The following NSD3 variants were observed in gnomAD, a reference collection of about 807,000 sequenced individuals.
NSD3 encodes the protein histone-lysine N-methyltransferase NSD3.
NSD3 carries 24 observed loss-of-function variants against 160.8 expected under a neutral mutation model. The observed-to-expected ratio is 0.15, with a 90% CI of 0.11 to 0.21. NSD3 has a LOEUF of 0.21. NSD3 is among the 10% of genes least tolerant of loss of function. NSD3 has a pLI of 1.00. For synonymous variants in NSD3, 520 were observed against 600.0 expected, an observed-to-expected ratio of 0.87 and a Z score of 1.95; for missense variants, 1,157 against 1,735.9, an observed-to-expected ratio of 0.67 and a Z score of 5.93.
intron 1 of NSD3, among the ~76,000 whole-genome samples, chr8:38,366,795 A>G (rs953269670): frequency 6.6e-6 from 1 of 152,202 alleles, no homozygotes. Context: ...AAACAAGTTA[A>G]AATTAAATTA....
intron 4 of NSD3, chr8:38,336,163 TAAAGTA>T (rs1372865317): frequency 1.3e-5 from 2 of 152,242 alleles, no homozygotes; most frequent in Admixed American, 6.5e-5. Flanking sequence ...ACAGATGGTT[TAAAGTA>T]AAAGAAAAAG....
chr8:38,317,690 G>C lies in NSD3; in HGVS notation c.1855+1205C>G. On this transcript the variant is annotated intron_variant, in intron 9 of 23. Transcript: ENST00000317025. The surrounding 1 kb of genome is among the most constrained non-coding windows in gnomAD (Gnocchi z 5.3). Reference sequence around the variant, plus strand: ...ACCAAAAACAGTCCATGTTGAAATTGATCAGTGTAAGTTAAATGGTGGTTT... The same window carrying C: ...ACCAAAAACAGTCCATGTTGAAATTCATCAGTGTAAGTTAAATGGTGGTTT... 1 of 1,269,214 alleles carries C rather than the reference G, an allele frequency of 7.9e-7. No individual in the cohort carries two copies. Among genetic ancestry groups the C allele is most frequent in the Non-Finnish European group, 1.0e-6 (1 of 1,003,976 alleles). 78.6% of individuals were successfully genotyped at this position (1,269,214 alleles called of 1,614,324 possible).
intron 16 of NSD3, among the ~76,000 whole-genome samples, chr8:38,291,430 A>G (rs1808995025): frequency 6.6e-6 from 1 of 152,216 alleles, no homozygotes; most frequent in South Asian, 2.1e-4. Context: ...GTAAATATAC[A>G]TAGACTTAAA....
In NSD3 at chr8:38,318,125, G is replaced by GT; in HGVS notation, c.1855+769dup. ...TTTTCTTGGAGCTCCGCCAAGCAGT[G>GT]TTCCCTCCGAGAGGCTGTTCAGTTC... On this transcript the variant is annotated intron_variant, in intron 9 of 23. Transcript: ENST00000317025. This position sits in a 1 kb window ranked among gnomAD's most constrained non-coding sequence, Gnocchi z 5.3. 1 of 1,513,956 alleles carries GT rather than the reference G, an allele frequency of 6.6e-7. No homozygotes were observed. Among genetic ancestry groups the GT allele is most frequent in the Non-Finnish European group, 9.0e-7 (1 of 1,109,614 alleles). 93.8% of individuals were successfully genotyped at this position (1,513,956 alleles called of 1,614,324 possible).
chr8:38,366,913 C>T (rs1811119538), intron 1 of NSD3, among the ~76,000 whole-genome samples: 1 of 152,128 alleles, frequency 6.6e-6, no homozygotes, highest in Non-Finnish European at 1.5e-5. Context: ...ATATTTCTGT[C>T]ATCATAGAAA....
intron 19 of NSD3, among the ~76,000 whole-genome samples, chr8:38,287,082 C>A (rs550062647): frequency 5.6e-4 from 85 of 152,156 alleles, no homozygotes; most frequent in Non-Finnish European, 8.7e-4. Flanking sequence ...ATAATACCTG[C>A]CACATAGGAA....
rs529778160 is a variant in NSD3, at chr8:38,351,186, C to A, written c.-44-2971G>T. 5.5e-5 allele frequency among the ~76,000 whole-genome samples: 8 copies of A among 144,254 alleles called. No individual in the cohort carries two copies. The East Asian group carries it at 1.8e-3, about 32-fold the overall frequency. 94.6% of individuals were successfully genotyped at this position (144,254 alleles called of 152,430 possible). ...TAGAGACGGGGTTTCACCGTGTTAG[C>A]CAGGATGGTCTCGATCTCCTGACCT... is the stretch of plus-strand genomic sequence containing the variant. On this transcript the variant is annotated intron_variant, in intron 1 of 23. Coordinates refer to ENST00000317025, the MANE Select transcript of NSD3 (RefSeq NM_023034.2).
intron 1 of NSD3, among the ~76,000 whole-genome samples, chr8:38,374,273 G>A (rs962995111): frequency 1.3e-5 from 2 of 151,898 alleles, no homozygotes; most frequent in African/African-American, 4.8e-5. Context: ...GCAAGACCCT[G>A]TCTCTAAAAA....
At chr8:38,305,505 A>T (rs991806483) in intron 12 of NSD3, 60 bp from the exon 13 acceptor site, 37 of 1,550,974 alleles carry the variant, frequency 2.4e-5, no homozygotes, top group Non-Finnish European at 3.2e-5. Context: ...TTCAAGTAGA[A>T]GCAGCTACAG....
chr8:38,372,848 C>G (rs540679809), intron 1 of NSD3, among the ~76,000 whole-genome samples: 1 of 148,474 alleles, frequency 6.7e-6, no homozygotes, highest in Non-Finnish European at 1.5e-5. Flanking sequence ...CCGGGCGCGG[C>G]GGTTCACGCC....
In NSD3 at chr8:38,316,591, A is replaced by G; in HGVS notation, c.1856-549T>C. 1 of 1,051,838 alleles carries G rather than the reference A, an allele frequency of 9.5e-7. No homozygotes were observed. The highest frequency in any genetic ancestry group is 1.1e-6 in the Non-Finnish European group (1 of 870,808). The allele number at this position is 1,051,838 out of a possible 1,614,324, so 65.2% of individuals were successfully genotyped here. On this transcript the variant is annotated intron_variant, in intron 9 of 23. Transcript: ENST00000317025. This position sits in a 1 kb window ranked among gnomAD's most constrained non-coding sequence, Gnocchi z 4.5. ...GGATGTTCATAATTGTTCATCTGAG[A>G]CTTCCTTGGTGAAGTGGCATTTATT...
At chr8:38,374,098 G>A (rs1038171891) in intron 1 of NSD3, among the ~76,000 whole-genome samples, 2 of 151,858 alleles carry the variant, frequency 1.3e-5, no homozygotes, top group South Asian at 4.2e-4. Flanking sequence ...CTAGGTGGTA[G>A]AGGAAGACCC....
chr8:38,284,169 T>C (rs1164366576), intron 19 of NSD3, among the ~76,000 whole-genome samples: 1 of 152,228 alleles, frequency 6.6e-6, no homozygotes, highest in Non-Finnish European at 1.5e-5. Context: ...TCCTTCACTT[T>C]TTCCTTCCAG....
intron 15 of NSD3, among the ~76,000 whole-genome samples, chr8:38,297,766 T>C (rs1027884029): frequency 6.6e-6 from 1 of 152,140 alleles, no homozygotes; most frequent in Non-Finnish European, 1.5e-5. Context: ...GCCCAAGTGC[T>C]CTACACTTAG....
chr8:38,345,790 C>A (rs942292536), intron 2 of NSD3, among the ~76,000 whole-genome samples: 6 of 151,084 alleles, frequency 4.0e-5, no homozygotes, highest in African/African-American at 1.5e-4. Flanking sequence ...TGCCTGTAGT[C>A]CCCAGCTACT....
chr8:38,306,070 C>T (rs912547652), intron 12 of NSD3, among the ~76,000 whole-genome samples: 1 of 151,856 alleles, frequency 6.6e-6, no homozygotes, highest in African/African-American at 2.4e-5. Context: ...TGAAAATATT[C>T]GTCAAGAATG....
At chr8:38,297,921 T>G (rs1023916341) in intron 15 of NSD3, among the ~76,000 whole-genome samples, 1 of 152,186 alleles carries the variant, frequency 6.6e-6, no homozygotes, top group East Asian at 1.9e-4. Flanking sequence ...AAAGTCAGGC[T>G]GGCCATTTTT....
At chr8:38,327,930 C>A (rs914607278) in intron 6 of NSD3, among the ~76,000 whole-genome samples, 1 of 152,094 alleles carries the variant, frequency 6.6e-6, no homozygotes. Context: ...GGCCAGGCAC[C>A]GTGGCTCCTG....
At chr8:38,304,535 G>C (rs1047809480) in intron 14 of NSD3, 52 bp downstream of exon 14, 1 of 1,561,106 alleles carries the variant, frequency 6.4e-7, no homozygotes, top group African/African-American at 1.4e-5. Flanking sequence ...TGTTAATGGA[G>C]AAATATGCCA....
Sources: allele counts gnomAD v4.1 joint callset (sites outside exome capture counted in the v4.1 genomes callset), GRCh38; gene constraint gnomAD v4.1.1; non-coding constraint Gnocchi (gnomAD v3.1); transcripts MANE v1.5; gene names NCBI Gene and HGNC (gene_info 2026-07-23, HGNC 2026-07-21).